The following DMD variants were observed in gnomAD, a reference collection of about 807,000 sequenced individuals.
The protein encoded by DMD is mutant dystrophin.
DMD carries 63 observed loss-of-function variants against 330.1 expected under a neutral mutation model. The observed-to-expected ratio is 0.19, with a 90% CI of 0.16 to 0.24. DMD has a LOEUF of 0.24. Among genes scored for constraint, DMD ranks in the 10% least tolerant of loss-of-function variants. DMD has a pLI of 1.00. For synonymous variants in DMD, 1,223 were observed against 959.8 expected (o/e 1.27, Z -5.07); for missense variants, 3,344 against 2,684.1 (o/e 1.25, Z -5.43).
chrX:33,104,573 T>C lies in DMD; in HGVS notation c.32-84373A>G, dbSNP rs2095269593. 4.7e-5 allele frequency among the ~76,000 whole-genome samples: 5 copies of C among 107,483 alleles called. No individual in the cohort carries two copies. In the South Asian group the frequency reaches 2.2e-3, roughly 46 times the overall value. 93.3% of individuals were successfully genotyped at this position (107,483 alleles called of 115,157 possible). ...CTTTTTCCTTTATCTACCCAAATCC[T>C]ATAAAACGGCCCCACCCCTATCTCC... On this transcript the variant is annotated intron_variant, in intron 1 of 78. Transcript: ENST00000357033.
chrX:32,617,152 A>AC (rs1175547387), intron 11 of DMD, among the ~76,000 whole-genome samples: 1 of 110,841 alleles, frequency 9.0e-6, no homozygotes, highest in Non-Finnish European at 1.9e-5. Context: ...AAGTAGTACT[A>AC]CATTAGAAAA....
chrX:32,928,402 C>A (rs1206824063), intron 2 of DMD, among the ~76,000 whole-genome samples: 4 of 110,597 alleles, frequency 3.6e-5, no homozygotes, highest in African/African-American at 1.3e-4. Context: ...TATATTTTTC[C>A]CCTTGTCTTT....
At chrX:32,707,159 TTGAG>T (rs1177883267) in intron 7 of DMD, among the ~76,000 whole-genome samples, 1 of 111,862 alleles carries the variant, frequency 8.9e-6, no homozygotes, top group Non-Finnish European at 1.9e-5. Context: ...CAAACGTTTA[TTGAG>T]TTACTTTGTG....
chrX:32,941,259 T>G (rs2090394542), intron 2 of DMD, among the ~76,000 whole-genome samples: 1 of 111,858 alleles, frequency 8.9e-6, no homozygotes, highest in African/African-American at 3.3e-5. Context: ...CCAAAGAATT[T>G]AAGACAGAAC....
Position 31,146,815 on chromosome X carries a change from A to C in DMD, c.10798-401T>G, listed in dbSNP as rs886881236. ...AATTGAAAAATTTAAAATTCCCAGA[A>C]AGCCAGAACTATGTCCAGGTAGGTC... On this transcript the variant is annotated intron_variant, in intron 75 of 78. Coordinates refer to ENST00000357033, the MANE Select transcript of DMD (RefSeq NM_004006.3). 2.7e-5 allele frequency among the ~76,000 whole-genome samples: 3 copies of C among 112,155 alleles called. No individual in the cohort carries two copies. The Admixed American group carries it at 2.8e-4, about 11-fold the overall frequency.
intron 55 of DMD, among the ~76,000 whole-genome samples, chrX:31,540,000 A>T (rs1186277209): frequency 8.9e-6 from 1 of 111,832 alleles, no homozygotes; most frequent in African/African-American, 3.3e-5. Flanking sequence ...ATTTTTGACA[A>T]TTGCCACTCG....
At chrX:31,940,718 T>C (rs774009929) in intron 45 of DMD, among the ~76,000 whole-genome samples, 28 of 108,038 alleles carry the variant, frequency 2.6e-4, no homozygotes, top group Non-Finnish European at 4.8e-4. Flanking sequence ...TAAAGATAGG[T>C]AATATAGAAA....
At chrX:33,080,719 A>T (rs1368388297) in intron 1 of DMD, among the ~76,000 whole-genome samples, 2 of 111,283 alleles carry the variant, frequency 1.8e-5, no homozygotes, top group East Asian at 5.6e-4. Context: ...TAAATTGAAC[A>T]ATTTTCCAAA....
chrX:32,154,254 C>T (rs1718053), intron 44 of DMD, among the ~76,000 whole-genome samples: 47,324 of 110,898 alleles, frequency 0.43, 7,238 homozygotes, highest in Admixed American at 0.49. Flanking sequence ...TTTAGAAGTG[C>T]AAAGGTATCT....
intron 2 of DMD, among the ~76,000 whole-genome samples, chrX:32,916,669 G>A (rs1314508093): frequency 9.0e-6 from 1 of 111,443 alleles, no homozygotes; most frequent in African/African-American, 3.3e-5. Context: ...GATATAATTG[G>A]CTAAAGTTTA....
intron 43 of DMD, among the ~76,000 whole-genome samples, chrX:32,273,281 T>TAAAAC (rs74314252): frequency 0.022 from 2,321 of 107,179 alleles, 60 homozygotes; most frequent in African/African-American, 0.073. Context: ...GCTCCTTAAA[T>TAAAAC]AAAACAAAAC....
At chrX:31,124,925 T>G (rs2033415894) in intron 78 of DMD, among the ~76,000 whole-genome samples, 1 of 111,968 alleles carries the variant, frequency 8.9e-6, no homozygotes, top group South Asian at 3.7e-4. Flanking sequence ...TTATCTTTTC[T>G]TCTCTATAAT....
intron 11 of DMD, among the ~76,000 whole-genome samples, chrX:32,621,009 C>A (rs1026634198): frequency 9.0e-6 from 1 of 111,032 alleles, no homozygotes; most frequent in African/African-American, 3.3e-5. Context: ...ACCAACACAG[C>A]CCCTTGCTAT....
chrX:32,897,911 T>C (rs1392909903), intron 2 of DMD, among the ~76,000 whole-genome samples: 3 of 112,174 alleles, frequency 2.7e-5, no homozygotes, highest in Non-Finnish European at 5.6e-5. Context: ...AAAGGGGATG[T>C]CAGGCAATAA....
chrX:32,190,730 C>T (rs1035854118), intron 44 of DMD, among the ~76,000 whole-genome samples: 1 of 107,645 alleles, frequency 9.3e-6, no homozygotes, highest in Non-Finnish European at 1.9e-5. Flanking sequence ...TTAGAACATT[C>T]GAAATCTTCA....
At chrX:32,286,982 C>T (rs371471091) in intron 43 of DMD, among the ~76,000 whole-genome samples, 1 of 111,014 alleles carries the variant, frequency 9.0e-6, no homozygotes, top group African/African-American at 3.3e-5. Context: ...TGCCACCCCC[C>T]AATTAAGTCA....
chrX:32,571,384 T>C (rs1459929407), intron 15 of DMD, among the ~76,000 whole-genome samples: 1 of 112,004 alleles, frequency 8.9e-6, no homozygotes, highest in Non-Finnish European at 1.9e-5. Flanking sequence ...TGACAGTGTG[T>C]ACCACTTCCT....
chrX:32,610,589 T>TGA (rs767594971), intron 12 of DMD, among the ~76,000 whole-genome samples: 2 of 110,170 alleles, frequency 1.8e-5, no homozygotes, highest in Non-Finnish European at 3.8e-5. Flanking sequence ...GCCCTCCAGT[T>TGA]GAGAGAGAGA....
Position 32,491,495 on chromosome X carries a change from T to G in DMD, c.2404A>C (p.Lys802Gln), listed in dbSNP as rs778361544. 1.1e-5 allele frequency: 13 copies of G among 1,208,755 alleles called. No homozygotes were observed. The East Asian group carries it at 3.9e-4, about 36-fold the overall frequency. The change falls in exon 20 of 79, where the codon AAA becomes CAA. Residue 802 changes from lysine to glutamine, a missense_variant. By Grantham distance (53) the Lys-to-Gln change is moderately conservative. Transcript: ENST00000357033. Reference sequence around the variant, plus strand: ...CTGTTCAGTTGTTCTGAGGCTTGTTTGATGCTATCTGCATTAACACCCTCT... The same window carrying G: ...CTGTTCAGTTGTTCTGAGGCTTGTTGGATGCTATCTGCATTAACACCCTCT... ...VNEGVNADSI[K>Q]QASEQLNSRW...
Sources: allele counts gnomAD v4.1 joint callset (sites outside exome capture counted in the v4.1 genomes callset), GRCh38; gene constraint gnomAD v4.1.1; transcripts MANE v1.5; gene names NCBI Gene and HGNC (gene_info 2026-07-23, HGNC 2026-07-21).